The following MARCHF3 variants were observed in gnomAD, a reference collection of about 807,000 sequenced individuals.
MARCHF3 encodes membrane associated ring-CH-type finger 3.
Under a neutral mutation model 24.2 loss-of-function variants are expected in MARCHF3, and 13 were observed. That is an observed-to-expected ratio of 0.54 (90% CI 0.35 to 0.85). The LOEUF is 0.85. Among genes scored for constraint, MARCHF3 ranks in the 40% least tolerant of loss-of-function variants. The pLI, the probability that MARCHF3 is intolerant of heterozygous loss-of-function variation, is 0.01. For missense variants in MARCHF3, 276 were observed against 325.0 expected (o/e 0.85, Z 1.16); for synonymous variants, 144 against 137.3 (o/e 1.05, Z -0.34).
chr5:126,872,212 C>T (rs1753000013), intron 4 of MARCHF3, among the ~76,000 whole-genome samples: 2 of 151,200 alleles, frequency 1.3e-5, no homozygotes, highest in Admixed American at 1.3e-4. Context: ...CCCGAGTAGC[C>T]ACCATGCCTG....
At chr5:126,885,499 G>A (rs112735275) in intron 3 of MARCHF3, among the ~76,000 whole-genome samples, 4,564 of 151,906 alleles carry the variant, frequency 0.03, 223 homozygotes, top group African/African-American at 0.1. Flanking sequence ...CCCAGGAGGC[G>A]GAGGTTGCAG....
chr5:126,881,732 T>C (rs982595009), intron 3 of MARCHF3, among the ~76,000 whole-genome samples: 5 of 152,216 alleles, frequency 3.3e-5, no homozygotes, highest in African/African-American at 4.8e-5. Context: ...ATAGCTATTC[T>C]TGGTGGTGGC....
intron 1 of MARCHF3, among the ~76,000 whole-genome samples, chr5:126,973,781 A>G (rs1751098296): frequency 6.6e-6 from 1 of 151,680 alleles, no homozygotes; most frequent in Non-Finnish European, 1.5e-5. Flanking sequence ...GCCTAAGGTG[A>G]TGGCCATAAA....
At chr5:126,914,673 C>T (rs1754654703) in intron 3 of MARCHF3, 2 of 558,016 alleles carry the variant, frequency 3.6e-6, no homozygotes, top group Non-Finnish European at 6.4e-6. Flanking sequence ...TCTCCTTATA[C>T]TAATTTATTC....
At chr5:126,997,777 C>T (rs1458061638) in intron 1 of MARCHF3, among the ~76,000 whole-genome samples, 1 of 152,174 alleles carries the variant, frequency 6.6e-6, no homozygotes, top group East Asian at 1.9e-4. Flanking sequence ...AATAATAATT[C>T]TCATTGCCCA....
intron 1 of MARCHF3, among the ~76,000 whole-genome samples, chr5:127,004,410 C>T (rs562478733): frequency 4.3e-4 from 66 of 152,220 alleles, no homozygotes; most frequent in African/African-American, 1.6e-3. Flanking sequence ...AGGAATATTA[C>T]CAATTAATGA....
chr5:126,920,227 A>G (rs1749058726), intron 1 of MARCHF3, among the ~76,000 whole-genome samples: 1 of 127,846 alleles, frequency 7.8e-6, no homozygotes, highest in Non-Finnish European at 1.9e-5. Context: ...GACTGGGGCC[A>G]GACAGTTGTT....
rs573891470 is a variant in MARCHF3 at position 126,936,142 on chromosome 5, C to T, written c.-56-17915G>A. Among the ~76,000 whole-genome samples, 41 of 152,260 alleles carry T rather than the reference C, an allele frequency of 2.7e-4. No individual in the cohort carries two copies. The East Asian group carries it at 7.7e-3, about 29-fold the overall frequency. ...TTTGAGAGTGGGTGATGAGCCTTCA[C>T]ACCTCCGGAAGAACAGTTTGGCAGT... On this transcript the variant is annotated intron_variant, in intron 1 of 4. Transcript: ENST00000308660.
In MARCHF3 at chr5:126,918,133, C is replaced by T. The variant is rs762767883; in HGVS notation, c.39G>A (p.Leu13=). The change falls in exon 2 of 5, where the codon CTG becomes CTA. Residue 13 remains leucine (L), a synonymous_variant. Coordinates refer to ENST00000308660, the MANE Select transcript of MARCHF3 (RefSeq NM_178450.5). ...GTGCAGCTGAGCTGGTGCAGTCTGG[C>T]AGGACTTCGGGCAGGTGACTGCAGC... ...TSRCSHLPEV[L]PDCTSSAAPV... 13 of 1,614,034 alleles carry T rather than the reference C, an allele frequency of 8.1e-6. No homozygotes were observed. In the East Asian group the frequency reaches 1.6e-4, roughly 19 times the overall value.
In MARCHF3 at chr5:126,955,934, A is replaced by G. The variant is rs187936735; in HGVS notation, c.-56-37707T>C. 1.0e-3 allele frequency among the ~76,000 whole-genome samples: 159 copies of G among 152,268 alleles called. 3 individuals carry two copies. The highest frequency in any genetic ancestry group is 5.2e-3 in the East Asian group (27 of 5,190). ...TAATAATTTTAAAGTTTTATTTTTC[A>G]CTCAGGCCCTTAATACATTTAAAAT... On this transcript the variant is annotated intron_variant, in intron 1 of 4. Transcript: ENST00000308660.
chr5:126,899,687 C>T (rs539084452), intron 3 of MARCHF3, among the ~76,000 whole-genome samples: 2 of 152,216 alleles, frequency 1.3e-5, no homozygotes, highest in South Asian at 4.1e-4. Flanking sequence ...CAAAGAGACA[C>T]AGGAAAGAAG....
chr5:126,973,940 G>T (rs920479774), intron 1 of MARCHF3, among the ~76,000 whole-genome samples: 1 of 137,590 alleles, frequency 7.3e-6, no homozygotes, highest in African/African-American at 2.7e-5. Context: ...GCCCAGGCCG[G>T]ACTGCGGACT....
At chr5:127,003,623 G>A (rs1422041311) in intron 1 of MARCHF3, among the ~76,000 whole-genome samples, 1 of 151,046 alleles carries the variant, frequency 6.6e-6, no homozygotes, top group East Asian at 1.9e-4. Flanking sequence ...GGTTGCAGGC[G>A]CCTGTAATCC....
intron 1 of MARCHF3, among the ~76,000 whole-genome samples, chr5:126,975,930 G>T (rs966766863): frequency 2.6e-5 from 4 of 152,132 alleles, no homozygotes; most frequent in African/African-American, 9.7e-5. Context: ...ATTCCCAGTA[G>T]GCCTGTGCCA....
intron 1 of MARCHF3, among the ~76,000 whole-genome samples, chr5:126,990,678 A>G (rs998043994): frequency 2.6e-5 from 4 of 152,238 alleles, no homozygotes; most frequent in African/African-American, 9.6e-5. Context: ...CAGAATCTAC[A>G]AAGAACTTAG....
intron 1 of MARCHF3, among the ~76,000 whole-genome samples, chr5:126,990,225 G>T (rs1580712500): frequency 6.6e-6 from 1 of 151,676 alleles, no homozygotes; most frequent in Non-Finnish European, 1.5e-5. Context: ...CAGAACAGAG[G>T]CCTCAGAAAT....
In MARCHF3 at chr5:126,964,532, C is replaced by T. The variant is rs1254671929; in HGVS notation, c.-56-46305G>A. 3.3e-5 allele frequency among the ~76,000 whole-genome samples: 5 copies of T among 152,112 alleles called. No individual in the cohort carries two copies. The East Asian group carries it at 9.6e-4, about 29-fold the overall frequency. ...GCCTAAGCCTCGGCAATTTCCCTTT[C>T]TTATGGTACATGCCTTTGGTAAATT... On this transcript the variant is annotated intron_variant, in intron 1 of 4. Coordinates refer to ENST00000308660, the MANE Select transcript of MARCHF3 (RefSeq NM_178450.5).
chr5:126,868,870 A>C lies in MARCHF3; in HGVS notation c.*1763T>G, dbSNP rs1752857196. On this transcript the variant is annotated 3_prime_UTR_variant, in exon 5 of 5. Transcript: ENST00000308660. ...GATGTCCAGCATTTTAAAAAGGTCA[A>C]TTAAGAAACGGTTGATGGTGGTGCA... 6.6e-6 allele frequency: 1 copy of C among 152,260 alleles called. No individual in the cohort carries two copies. The highest frequency in any genetic ancestry group is 2.4e-5 in the African/African-American group (1 of 41,460). The allele number at this position is 152,260 out of a possible 1,614,324, so 9.4% of individuals were successfully genotyped here.
chr5:126,960,921 C>T (rs1434039232), intron 1 of MARCHF3, among the ~76,000 whole-genome samples: 2 of 152,004 alleles, frequency 1.3e-5, no homozygotes, highest in African/African-American at 4.8e-5. Context: ...GAAAAATGAT[C>T]AGACAATAAA....
Sources: allele counts gnomAD v4.1 joint callset (sites outside exome capture counted in the v4.1 genomes callset), GRCh38; gene constraint gnomAD v4.1.1; transcripts MANE v1.5; gene names NCBI Gene and HGNC (gene_info 2026-07-23, HGNC 2026-07-21).